DENND4A: variants seen among roughly 807,000 people sequenced by gnomAD.
DENND4A encodes the protein DENN domain containing 4A, also known as C-myc promoter-binding protein.
In DENND4A, 70 loss-of-function variants were observed where a neutral mutation model predicts 199.3. The observed-to-expected ratio is 0.35, with a 90% confidence interval of 0.29 to 0.43. The LOEUF is 0.43. Ranked by LOEUF, DENND4A falls within the 20% of genes least tolerant of loss-of-function variation. The pLI, the probability that DENND4A is intolerant of heterozygous loss-of-function variation, is 1.00. For synonymous variants in DENND4A, 686 were observed against 766.9 expected (o/e 0.89, Z 1.74); for missense variants, 1,723 against 2,255.8 (o/e 0.76, Z 4.78).
chr15:65,710,098 T>C (rs1048665283), intron 14 of DENND4A, among the ~76,000 whole-genome samples: 1 of 152,142 alleles, frequency 6.6e-6, no homozygotes, highest in Non-Finnish European at 1.5e-5. Flanking sequence ...CTAGACAACA[T>C]AATGTATTAA....
At chr15:65,749,239 A>G (rs2076497119) in intron 4 of DENND4A, among the ~76,000 whole-genome samples, 1 of 152,160 alleles carries the variant, frequency 6.6e-6, no homozygotes, top group Non-Finnish European at 1.5e-5. Context: ...AGTGCTCAGG[A>G]GTTTGGTTCT....
chr15:65,775,559 C>G (rs761988732), intron 1 of DENND4A, among the ~76,000 whole-genome samples: 1 of 135,924 alleles, frequency 7.4e-6, no homozygotes, highest in Non-Finnish European at 1.5e-5. Flanking sequence ...GAGAATCACT[C>G]GAACCTGGGA....
intron 11 of DENND4A, among the ~76,000 whole-genome samples, chr15:65,725,667 ACT>A (rs932194572): frequency 1.2e-4 from 16 of 135,322 alleles, no homozygotes; most frequent in Non-Finnish European, 1.9e-4. Context: ...ACAGAGTGAG[ACT>A]CTGTCTCAAA....
intron 24 of DENND4A, among the ~76,000 whole-genome samples, chr15:65,673,628 A>AG (rs1298001355): frequency 2.0e-5 from 3 of 146,816 alleles, no homozygotes; most frequent in African/African-American, 7.9e-5. Context: ...AATAACAAGG[A>AG]GGAAAAAAAA....
chr15:65,736,591 A>C (rs1183862058), intron 7 of DENND4A, among the ~76,000 whole-genome samples: 1 of 152,058 alleles, frequency 6.6e-6, no homozygotes, highest in Non-Finnish European at 1.5e-5. Context: ...AATGTAACTG[A>C]CAAAGTTCAC....
intron 15 of DENND4A, among the ~76,000 whole-genome samples, chr15:65,704,613 T>C (rs749143285): frequency 3.1e-4 from 47 of 152,140 alleles, no homozygotes; most frequent in Non-Finnish European, 4.3e-4. Context: ...TTTTTGGAGA[T>C]AGAGTCTCGT....
intron 18 of DENND4A, 38 bp from the exon 19 acceptor site, chr15:65,701,230 T>C: frequency 6.9e-7 from 1 of 1,441,902 alleles, no homozygotes; most frequent in Non-Finnish European, 9.3e-7. Context: ...AGTAAAATAA[T>C]TTTTATAAGT....
In DENND4A at chr15:65,700,641, G is replaced by A; in HGVS notation, c.2736C>T (p.Gly912=). The A allele has an allele frequency of 1.3e-6, 2 of 1,545,474 alleles. No individual in the cohort carries two copies. The highest frequency in any genetic ancestry group is 1.7e-6 in the Non-Finnish European group (2 of 1,144,942). The change falls in exon 20 of 33, where the codon GGC becomes GGT. Residue 912 remains glycine (G), a synonymous_variant. Coordinates refer to ENST00000443035, the MANE Select transcript of DENND4A (RefSeq NM_001320835.1). ...GTGTCCCATGACCACTATCCATGCT[G>A]CCATGACTAACAGCATCCAGGTCAC... ...DGSDLDAVSH[G]SMDSGHGTHT...
intron 3 of DENND4A, 58 bp downstream of exon 3, chr15:65,756,082 A>T (rs978057436): frequency 6.4e-6 from 9 of 1,412,806 alleles, no homozygotes; most frequent in Non-Finnish European, 8.5e-6. Flanking sequence ...TTAATCTCCA[A>T]ATCTACAAGG....
intron 1 of DENND4A, among the ~76,000 whole-genome samples, chr15:65,788,105 C>T (rs1394452163): frequency 1.3e-5 from 2 of 150,272 alleles, no homozygotes; most frequent in Admixed American, 1.3e-4. Context: ...GAGACAGAGT[C>T]TCGTTCTGCC....
intron 22 of DENND4A, among the ~76,000 whole-genome samples, chr15:65,695,314 C>T (rs916350761): frequency 3.3e-5 from 5 of 152,134 alleles, no homozygotes; most frequent in African/African-American, 7.2e-5. Flanking sequence ...AGAGATAATA[C>T]GTAAATGAAT....
chr15:65,718,732 C>T (rs2075495372), intron 12 of DENND4A, among the ~76,000 whole-genome samples: 1 of 147,894 alleles, frequency 6.8e-6, no homozygotes, highest in Admixed American at 6.8e-5. Context: ...GCCCCCCTTT[C>T]CCTCAAAAGT....
At chr15:65,700,960 A>G in intron 19 of DENND4A, 91 bp downstream of exon 19, 2 of 1,384,122 alleles carry the variant, frequency 1.4e-6, no homozygotes, top group Non-Finnish European at 9.8e-7. Flanking sequence ...TAAAACATTC[A>G]ATATTTTAAA....
chr15:65,705,479 A>G (rs2075017434), intron 15 of DENND4A, among the ~76,000 whole-genome samples: 1 of 152,188 alleles, frequency 6.6e-6, no homozygotes, highest in South Asian at 2.1e-4. Context: ...TGTGCTCAGG[A>G]CTTTTCTCTC....
intron 1 of DENND4A, among the ~76,000 whole-genome samples, chr15:65,770,569 A>G (rs529846883): frequency 8.1e-4 from 124 of 152,302 alleles, no homozygotes; most frequent in African/African-American, 2.9e-3. Context: ...CTCAATATAT[A>G]TTTTGGAATA....
intron 7 of DENND4A, among the ~76,000 whole-genome samples, chr15:65,736,392 T>C (rs1051675936): frequency 3.9e-5 from 6 of 151,942 alleles, no homozygotes; most frequent in African/African-American, 1.4e-4. Flanking sequence ...CCAGAGTAGA[T>C]GAGATTACAG....
At chr15:65,735,015 C>T (rs568674172) in intron 7 of DENND4A, among the ~76,000 whole-genome samples, 125 of 152,130 alleles carry the variant, frequency 8.2e-4, no homozygotes, top group African/African-American at 2.9e-3. Flanking sequence ...CCCAGGAGGT[C>T]CAGGCTGCAG....
rs1240329263 is a variant in DENND4A, at chr15:65,706,477, CACACACACACACACACACAT to C, written c.1954-273_1954-254del. Among the ~76,000 whole-genome samples the C allele has an allele frequency of 3.7e-4, 42 of 114,412 alleles. 1 individual carries two copies. Among genetic ancestry groups the C allele is most frequent in the Admixed American group, 2.8e-3 (35 of 12,292 alleles). The allele number at this position is 114,412 out of a possible 152,430, so 75.1% of individuals were successfully genotyped here. On this transcript the variant is annotated intron_variant, in intron 14 of 32. Coordinates refer to ENST00000443035, the MANE Select transcript of DENND4A (RefSeq NM_001320835.1). ...ACACACACACACACACACACACACA[CACACACACACACACACACAT>C]ATATATATATATTTTTTTTTGAGAC...
At chr15:65,684,389 T>C (rs2076683251) in intron 23 of DENND4A, among the ~76,000 whole-genome samples, 1 of 152,240 alleles carries the variant, frequency 6.6e-6, no homozygotes, top group Non-Finnish European at 1.5e-5. Flanking sequence ...TCATCATCTT[T>C]TGGATTATAG....
Sources: allele counts gnomAD v4.1 joint callset (sites outside exome capture counted in the v4.1 genomes callset), GRCh38; gene constraint gnomAD v4.1.1; transcripts MANE v1.5; gene names NCBI Gene and HGNC (gene_info 2026-07-23, HGNC 2026-07-21).